TTLL7: variants seen among roughly 807,000 people sequenced by gnomAD.
The protein encoded by TTLL7 is tubulin polyglutamylase TTLL7.
In TTLL7, 53 loss-of-function variants were observed where a neutral mutation model predicts 120.2. The observed-to-expected ratio is 0.44, with a 90% CI of 0.35 to 0.55. The LOEUF is 0.55. Among genes scored for constraint, TTLL7 ranks in the 20% least tolerant of loss-of-function variants. TTLL7 has a pLI of 0.00. For missense variants in TTLL7, 803 were observed against 1,054.7 expected (o/e 0.76, Z 3.31); for synonymous variants, 353 against 351.7 (o/e 1.00, Z -0.04).
rs867705457 is a variant in TTLL7, at chr1:83,886,784, A to G, written c.2369+3537T>C. Among the ~76,000 whole-genome samples, 3 of 151,110 alleles carry G rather than the reference A, an allele frequency of 2.0e-5. No individual in the cohort carries two copies. In the South Asian group the frequency reaches 6.3e-4, roughly 32 times the overall value. On this transcript the variant is annotated intron_variant, in intron 19 of 20. Transcript: ENST00000260505. ...CTCCTCTCTTGGCTTTACCTCACAA[A>G]CTCCTATTCTTCCTTTAACTCTCAC...
chr1:83,900,910 A>T (rs1379136976), intron 18 of TTLL7, among the ~76,000 whole-genome samples: 1 of 151,978 alleles, frequency 6.6e-6, no homozygotes, highest in East Asian at 1.9e-4. Flanking sequence ...TTTTGCTCAT[A>T]TGATGTTTTT....
In TTLL7 at chr1:83,970,541, A is replaced by T. The variant is rs533688456; in HGVS notation, c.-176-18154T>A. Among the ~76,000 whole-genome samples, 20 of 152,206 alleles carry T rather than the reference A, an allele frequency of 1.3e-4. No individual in the cohort carries two copies. In the South Asian group the frequency reaches 2.1e-3, roughly 16 times the overall value. On this transcript the variant is annotated intron_variant, in intron 1 of 20. Transcript: ENST00000260505. ...AGTTGGTTTTTCAAGTTCTGATTTC[A>T]ATTTGGACACGTCAGGTTTGAGATA...
intron 20 of TTLL7, among the ~76,000 whole-genome samples, chr1:83,876,291 C>T (rs973733150): frequency 2.0e-5 from 3 of 151,540 alleles, no homozygotes; most frequent in Non-Finnish European, 4.4e-5. Context: ...TTTGTCTATC[C>T]TTTTTGCCAA....
chr1:83,945,503 A>G (rs1236617402), intron 6 of TTLL7, among the ~76,000 whole-genome samples: 1 of 152,234 alleles, frequency 6.6e-6, no homozygotes, highest in African/African-American at 2.4e-5. Flanking sequence ...TACTTCAACA[A>G]TAACAGTTGG....
chr1:83,945,570 A>C (rs998674331), intron 6 of TTLL7, among the ~76,000 whole-genome samples: 1 of 152,212 alleles, frequency 6.6e-6, no homozygotes, highest in African/African-American at 2.4e-5. Context: ...ATTAGCAAGG[A>C]AACAGATACA....
At chr1:83,884,904 T>C (rs938769957) in intron 19 of TTLL7, among the ~76,000 whole-genome samples, 6 of 151,894 alleles carry the variant, frequency 4.0e-5, no homozygotes, top group Non-Finnish European at 7.4e-5. Context: ...TACTGGGGTT[T>C]TTTAATTGGC....
chr1:83,919,560 A>C, intron 13 of TTLL7, 139 bp downstream of exon 13: 1 of 751,610 alleles, frequency 1.3e-6, no homozygotes, highest in Non-Finnish European at 2.0e-6. Flanking sequence ...AAATGTTACC[A>C]ACTGTTAAAA....
intron 20 of TTLL7, among the ~76,000 whole-genome samples, chr1:83,870,713 C>T (rs188166288): frequency 5.9e-5 from 9 of 151,852 alleles, no homozygotes; most frequent in Admixed American, 2.0e-4. Flanking sequence ...GAGTTCAAGA[C>T]CAGCCTGACC....
chr1:83,883,326 A>C (rs1654685714), intron 19 of TTLL7, among the ~76,000 whole-genome samples, 190 bp from the exon 20 acceptor site: 1 of 152,088 alleles, frequency 6.6e-6, no homozygotes, highest in African/African-American at 2.4e-5. Context: ...AAAGAAATAC[A>C]ACATCAAATA....
At chr1:83,892,928 G>GAGAAAGAAAGAAAGAAAGAAAAGAA (rs1553129439) in intron 18 of TTLL7, among the ~76,000 whole-genome samples, 9 of 102,666 alleles carry the variant, frequency 8.8e-5, no homozygotes, top group African/African-American at 4.5e-4. Flanking sequence ...GAAAGAAAAA[G>GAGAAAGAAAGAAAGAAAGAAAAGAA]AGAAAGAAAG....
At chr1:83,919,932 T>G in intron 12 of TTLL7, 98 bp from the exon 13 acceptor site, 4 of 1,137,344 alleles carry the variant, frequency 3.5e-6, no homozygotes, top group Non-Finnish European at 3.8e-6. Context: ...ATCTATTCTA[T>G]ACCAGTCACA....
At chr1:83,930,226 A>G (rs1183521103) in intron 9 of TTLL7, among the ~76,000 whole-genome samples, 3 of 152,134 alleles carry the variant, frequency 2.0e-5, no homozygotes, top group African/African-American at 7.2e-5. Context: ...TAAAATATTC[A>G]TTTTACCTTC....
intron 20 of TTLL7, among the ~76,000 whole-genome samples, chr1:83,879,369 C>A (rs1654241865): frequency 6.6e-6 from 1 of 151,928 alleles, no homozygotes; most frequent in Non-Finnish European, 1.5e-5. Context: ...CTTACCAGAA[C>A]CAAATTATCT....
chr1:83,893,385 AAG>A (rs1227224411), intron 18 of TTLL7, among the ~76,000 whole-genome samples: 299 of 152,186 alleles, frequency 2.0e-3, no homozygotes, highest in African/African-American at 6.9e-3. Context: ...AAAAAACAAA[AAG>A]AAAAAAAAAT....
chr1:83,977,869 C>A (rs550668728), intron 1 of TTLL7, among the ~76,000 whole-genome samples: 2 of 152,088 alleles, frequency 1.3e-5, no homozygotes, highest in African/African-American at 4.8e-5. Flanking sequence ...TAGAATAGAA[C>A]AATGTTTTCC....
intron 18 of TTLL7, among the ~76,000 whole-genome samples, chr1:83,893,438 T>A (rs1655953544): frequency 6.6e-6 from 1 of 151,964 alleles, no homozygotes; most frequent in African/African-American, 2.4e-5. Context: ...TTCATCAAAG[T>A]GGATTTTTCA....
In TTLL7 at chr1:83,952,240, T is replaced by A; in HGVS notation, c.-29A>T. 6.2e-7 allele frequency: 1 copy of A among 1,613,664 alleles called. No individual in the cohort carries two copies. The highest frequency in any genetic ancestry group is 8.5e-7 in the Non-Finnish European group (1 of 1,179,694). On this transcript the variant is annotated 5_prime_UTR_variant, in exon 2 of 21. Coordinates refer to ENST00000260505, the MANE Select transcript of TTLL7 (RefSeq NM_024686.6). ...TGCCTGTGCTGATTAGCAAGCAGTG[T>A]GTGCTGCTGTACCAAGCTCTCAGGA...
chr1:83,952,817 G>T (rs543259973), intron 1 of TTLL7, among the ~76,000 whole-genome samples: 37 of 152,112 alleles, frequency 2.4e-4, no homozygotes, highest in Non-Finnish European at 4.1e-4. Flanking sequence ...TCTTTACAAA[G>T]AAAATTACAA....
chr1:83,906,451 G>A lies in TTLL7; in HGVS notation c.2005C>T (p.Arg669Trp), dbSNP rs199677857. The change falls in exon 17 of 21, where the codon CGG becomes TGG. Residue 669 changes from arginine to tryptophan, a missense_variant. By Grantham distance (101) the Arg-to-Trp change is moderately radical. Coordinates refer to ENST00000260505, the MANE Select transcript of TTLL7 (RefSeq NM_024686.6). The part of the protein sequence containing the change: ...STNSQVSESL[R>W]QLKTKEQEDD... ...TCTTGTTCTTTTGTTTTCAGTTGCC[G>A]CAAAGACTCACTCTTAAATTTGAAA... is the stretch of plus-strand genomic sequence containing the variant. 3.2e-5 allele frequency: 52 copies of A among 1,611,518 alleles called. No homozygotes were observed. The highest frequency in any genetic ancestry group is 4.2e-5 in the Non-Finnish European group (49 of 1,178,628).
Sources: gnomAD v4.1 joint callset for allele counts (sites outside exome capture counted in the v4.1 genomes callset) on GRCh38, gnomAD v4.1.1 for gene constraint, MANE v1.5 for transcripts, NCBI Gene and HGNC (gene_info 2026-07-23, HGNC 2026-07-21) for gene names.